Variants in TAF1 observed in about 807,000 individuals in gnomAD.
TAF1 encodes TATA-box binding protein associated factor 1, also known as transcription initiation factor TFIID subunit 1.
A neutral mutation model predicts 138.5 loss-of-function variants in TAF1; 2 were observed. The observed-to-expected ratio is 0.01, with a 90% confidence interval of 0.01 to 0.05. The LOEUF (loss-of-function observed/expected upper bound fraction) is 0.05, where lower values mean the gene tolerates loss of function less well. TAF1 is among the 10% of genes least tolerant of loss of function. The pLI is 1.00. For synonymous variants in TAF1, 437 were observed against 503.2 expected (o/e 0.87, Z 1.76); for missense variants, 709 against 1,478.0 (o/e 0.48, Z 8.53).
At chrX:71,470,084 C>G (rs991995711), downstream of TAF1, among the ~76,000 whole-genome samples, 6 of 111,881 alleles carry the variant, frequency 5.4e-5, no homozygotes, top group Non-Finnish European at 9.4e-5. Flanking sequence ...TATATACACA[C>G]AGCTGTGTAA....
intron 32 of TAF1, among the ~76,000 whole-genome samples, chrX:71,453,193 A>G (rs770908482): frequency 9.0e-6 from 1 of 111,531 alleles, no homozygotes; most frequent in South Asian, 3.8e-4. Flanking sequence ...TCATGGCAAA[A>G]TTGAGCAGAA....
chrX:71,420,687 C>T (rs1044302596), intron 28 of TAF1, among the ~76,000 whole-genome samples: 32 of 113,136 alleles, frequency 2.8e-4, no homozygotes, highest in Non-Finnish European at 7.5e-5. Flanking sequence ...TCACCCTCGA[C>T]CAGTCATGGC....
At chrX:71,463,303 TAAG>T (rs1198448840) in intron 37 of TAF1, among the ~76,000 whole-genome samples, 1 of 110,446 alleles carries the variant, frequency 9.1e-6, no homozygotes, top group Admixed American at 9.8e-5. Context: ...CAAGTAAAAT[TAAG>T]AATAAACAAA....
At chrX:71,463,369 G>A (rs5981119) in intron 37 of TAF1, among the ~76,000 whole-genome samples, 7,806 of 110,775 alleles carry the variant, frequency 0.07, 304 homozygotes, top group Non-Finnish European at 0.11. Flanking sequence ...GTAATTGGAG[G>A]AGAGCAAGAC....
chrX:71,408,010 G>A lies in TAF1; in HGVS notation c.4243G>A (p.Val1415Ile). 2 of 1,211,355 alleles carry A rather than the reference G, an allele frequency of 1.7e-6. No individual in the cohort carries two copies. The highest frequency in any genetic ancestry group is 2.2e-6 in the Non-Finnish European group (2 of 895,408). The change falls in exon 28 of 38, where the codon GTA (valine) becomes ATA (isoleucine). Residue 1415 changes from valine (V) to isoleucine (I), a missense_variant. Val to Ile is a conservative substitution (Grantham distance 29). This residue lies in a region of TAF1 where 63 missense variants were observed against 163.3 expected (regional missense o/e 0.39). Transcript: ENST00000423759. ...CCACACTCCAGTCAATGCAAAGGTT[G>A]TAAAGGACTACTACAAAATCATCAC... ...PFHTPVNAKV[V>I]KDYYKIITRP...
chrX:71,440,911 CCTT>C (rs1186392467), intron 32 of TAF1, among the ~76,000 whole-genome samples: 2 of 110,140 alleles, frequency 1.8e-5, no homozygotes, highest in South Asian at 7.8e-4. Context: ...TCTCCTCCTC[CCTT>C]CTTCTTTCTC....
intron 13 of TAF1, among the ~76,000 whole-genome samples, chrX:71,490,131 A>G (rs1222687359): frequency 1.8e-5 from 2 of 111,916 alleles, no homozygotes; most frequent in Non-Finnish European, 3.8e-5. Context: ...TCTGGATGGG[A>G]AAAAAAGAGG....
chrX:71,444,008 A>G (rs1274168802), intron 32 of TAF1, among the ~76,000 whole-genome samples: 1 of 109,569 alleles, frequency 9.1e-6, no homozygotes, highest in Non-Finnish European at 1.9e-5. Flanking sequence ...CACCACGCCC[A>G]GCCTGTGTTT....
At chrX:71,449,796 G>A (rs941128582) in intron 32 of TAF1, among the ~76,000 whole-genome samples, 1 of 111,679 alleles carries the variant, frequency 9.0e-6, no homozygotes, top group African/African-American at 3.3e-5. Context: ...TTTTTGAGAT[G>A]AAGTCTTGCT....
At chrX:71,441,702 T>A (rs2039803298) in intron 32 of TAF1, 1 of 290,191 alleles carries the variant, frequency 3.4e-6, no homozygotes, top group Admixed American at 4.3e-5. Context: ...TTTTCTAGGG[T>A]ACATGTGCAC....
intron 32 of TAF1, among the ~76,000 whole-genome samples, chrX:71,435,950 T>C (rs894666561): frequency 8.2e-5 from 9 of 110,165 alleles, no homozygotes; most frequent in Non-Finnish European, 1.7e-4. Context: ...GGTAAATATT[T>C]AACTTTCTTT....
chrX:71,413,053 T>G (rs1206613182), intron 28 of TAF1, among the ~76,000 whole-genome samples: 1 of 111,475 alleles, frequency 9.0e-6, no homozygotes, highest in Non-Finnish European at 1.9e-5. Flanking sequence ...AAATCCTCAT[T>G]GGAGCATTTG....
intron 25 of TAF1, among the ~76,000 whole-genome samples, chrX:71,404,473 G>A (rs998198157): frequency 1.8e-5 from 2 of 110,336 alleles, no homozygotes; most frequent in Admixed American, 9.8e-5. Context: ...GAGTAACTGG[G>A]ACTACAGGCA....
At chrX:71,490,083 AAAAT>A (rs1357084123) in intron 13 of TAF1, among the ~76,000 whole-genome samples, 1 of 111,453 alleles carries the variant, frequency 9.0e-6, no homozygotes, top group Non-Finnish European at 1.9e-5. Flanking sequence ...ACTTGTTCCA[AAAAT>A]AAATAAATAA....
At chrX:71,452,481 C>T (rs1446765952) in intron 32 of TAF1, among the ~76,000 whole-genome samples, 1 of 109,638 alleles carries the variant, frequency 9.1e-6, no homozygotes, top group African/African-American at 3.3e-5. Flanking sequence ...GGCAGAGACG[C>T]TCCTCACTTC....
chrX:71,430,848 A>G (rs2036849164), intron 32 of TAF1, among the ~76,000 whole-genome samples: 1 of 110,923 alleles, frequency 9.0e-6, no homozygotes, highest in Admixed American at 9.7e-5. Context: ...TGACTTGGGC[A>G]ACAGGTGGTG....
chrX:71,395,781 A>G (rs893110669), intron 22 of TAF1, among the ~76,000 whole-genome samples: 2 of 111,463 alleles, frequency 1.8e-5, no homozygotes, highest in Non-Finnish European at 1.9e-5. Flanking sequence ...GTTTTCTAGT[A>G]TAGTCCTGGA....
intron 13 of TAF1, among the ~76,000 whole-genome samples, chrX:71,499,084 A>G: frequency 9.0e-6 from 1 of 110,776 alleles, no homozygotes; most frequent in Non-Finnish European, 1.9e-5. Context: ...TCTGGCCCAG[A>G]GAAACTTTGC....
intron 15 of TAF1, among the ~76,000 whole-genome samples, chrX:71,387,918 A>T (rs2034331710): frequency 9.8e-6 from 1 of 102,237 alleles, no homozygotes; most frequent in African/African-American, 3.7e-5. Context: ...GGGCAACAAG[A>T]GTGAAACTCA....
Sources: gnomAD v4.1 joint callset for allele counts (sites outside exome capture counted in the v4.1 genomes callset) on GRCh38, gnomAD v4.1.1 for gene constraint, gnomAD v4.1.1 regional missense constraint, MANE v1.5 for transcripts, NCBI Gene and HGNC (gene_info 2026-07-23, HGNC 2026-07-21) for gene names.